Variants in CORO2A observed in about 807,000 individuals in gnomAD.
CORO2A encodes coronin-2A.
CORO2A carries 47 observed loss-of-function variants against 62.4 expected under a neutral mutation model. That is an observed-to-expected ratio of 0.75 (90% CI 0.60 to 0.96). The LOEUF is 0.96. Ranked by LOEUF, CORO2A falls within the 40% of genes least tolerant of loss-of-function variation. The pLI is 0.00. For synonymous variants in CORO2A, 273 were observed against 268.9 expected, an observed-to-expected ratio of 1.02 and a Z score of -0.15; for missense variants, 610 against 684.1, an observed-to-expected ratio of 0.89 and a Z score of 1.21.
At chr9:98,139,497 C>T (rs975363893) in intron 2 of CORO2A, among the ~76,000 whole-genome samples, 1 of 152,176 alleles carries the variant, frequency 6.6e-6, no homozygotes, top group African/African-American at 2.4e-5. Flanking sequence ...CGTGGTGGCA[C>T]ATGCCTGTAA....
At chr9:98,132,548 G>A (rs991742759) in intron 5 of CORO2A, among the ~76,000 whole-genome samples, 1 of 152,226 alleles carries the variant, frequency 6.6e-6, no homozygotes, top group Non-Finnish European at 1.5e-5. Flanking sequence ...CTTCTGCCCA[G>A]CGCCCTGTTC....
intron 1 of CORO2A, among the ~76,000 whole-genome samples, chr9:98,173,811 G>A (rs1050969559): frequency 6.6e-6 from 1 of 152,166 alleles, no homozygotes; most frequent in Non-Finnish European, 1.5e-5. Context: ...GATGAGCAAG[G>A]AGCTTAAGAG....
At chr9:98,126,396 G>C (rs887976643) in intron 11 of CORO2A, among the ~76,000 whole-genome samples, 153 bp downstream of exon 11, 2 of 152,088 alleles carry the variant, frequency 1.3e-5, no homozygotes, top group African/African-American at 4.8e-5. Flanking sequence ...CCTGTTTGTT[G>C]AATGAATTAA....
At chr9:98,151,814 A>ATTTT (rs747501901) in intron 2 of CORO2A, among the ~76,000 whole-genome samples, 1 of 115,442 alleles carries the variant, frequency 8.7e-6, no homozygotes, top group Non-Finnish European at 1.8e-5. Context: ...TGCCCGGCTA[A>ATTTT]TTTTTTTTTT....
intron 1 of CORO2A, among the ~76,000 whole-genome samples, chr9:98,158,786 G>C (rs955610095): frequency 6.6e-6 from 1 of 151,954 alleles, no homozygotes; most frequent in Non-Finnish European, 1.5e-5. Context: ...CAGTTTGGGG[G>C]AACCACATGT....
At chr9:98,170,569 G>C (rs1300362787) in intron 1 of CORO2A, among the ~76,000 whole-genome samples, 3 of 152,132 alleles carry the variant, frequency 2.0e-5, no homozygotes, top group African/African-American at 7.2e-5. Flanking sequence ...AGCCTCCCAA[G>C]TAGCTGGGAT....
At chr9:98,142,477 C>A (rs1421915905) in intron 2 of CORO2A, among the ~76,000 whole-genome samples, 6 of 152,210 alleles carry the variant, frequency 3.9e-5, no homozygotes, top group Non-Finnish European at 2.9e-5. Context: ...GGGTCAAAGG[C>A]CATGAGCAGT....
At position 98,126,555 on chromosome 9, in the gene CORO2A, C is replaced by A. The variant is rs567921816; in HGVS notation, c.1440G>T (p.Glu480Asp). ...ACCCCGTCCTCCTTCACACCTCATT[C>A]TCTGTCTTTGGTGGGGGGCATTCGA... is the stretch of plus-strand genomic sequence containing the variant. ...DVFECPPPKTENELLQMFYRQ... is the reference protein window; with the variant it reads ...DVFECPPPKTDNELLQMFYRQ... The change falls in exon 11 of 12, where the codon GAG (glutamate) becomes GAT (aspartate). Residue 480 changes from glutamate (E) to aspartate (D), a missense_variant. Glu to Asp is a conservative substitution (Grantham distance 45, BLOSUM62 2). Coordinates refer to ENST00000375077, the MANE Select transcript of CORO2A (RefSeq NM_052820.4). The A allele has an allele frequency of 2.0e-5, 32 of 1,613,154 alleles. No homozygotes were observed. In the South Asian group the frequency reaches 3.5e-4, roughly 18 times the overall value.
intron 2 of CORO2A, among the ~76,000 whole-genome samples, chr9:98,140,886 A>T (rs2795486): frequency 0.12 from 17,695 of 152,280 alleles, 1,321 homozygotes; most frequent in Middle Eastern, 0.18. Flanking sequence ...ACTGGAGGGG[A>T]CAACGCTATA....
At chr9:98,154,643 C>T (rs1426505662) in intron 2 of CORO2A, among the ~76,000 whole-genome samples, 4 of 152,024 alleles carry the variant, frequency 2.6e-5, no homozygotes, top group Non-Finnish European at 2.9e-5. Flanking sequence ...AATTATGCAA[C>T]TGTTAAAGTA....
Position 98,128,523 on chromosome 9 carries a change from G to C in CORO2A, c.1080+84C>G. The C allele has an allele frequency of 3.2e-6, 4 of 1,257,166 alleles. No homozygotes were observed. The South Asian group carries it at 4.8e-5, about 15-fold the overall frequency. 77.9% of individuals were successfully genotyped at this position (1,257,166 alleles called of 1,614,324 possible). On this transcript the variant is annotated intron_variant, in intron 9 of 11. Transcript: ENST00000375077. ...GGCTGCCCCATGAACGTGGGCTCCAGGCTCTGGTGCCCGACAGCCCTGGGT... is the reference window on the plus strand; with the variant it reads ...GGCTGCCCCATGAACGTGGGCTCCACGCTCTGGTGCCCGACAGCCCTGGGT...
At chr9:98,141,338 G>C (rs1421742482) in intron 2 of CORO2A, among the ~76,000 whole-genome samples, 1 of 126,718 alleles carries the variant, frequency 7.9e-6, no homozygotes, top group Non-Finnish European at 1.7e-5. Flanking sequence ...GTCTCCATGG[G>C]ACCACTGACC....
At chr9:98,141,709 G>A (rs1827571689) in intron 2 of CORO2A, among the ~76,000 whole-genome samples, 1 of 152,194 alleles carries the variant, frequency 6.6e-6, no homozygotes, top group South Asian at 2.1e-4. Flanking sequence ...CTCAAGGTGA[G>A]TTTTCGAAAA....
chr9:98,151,404 C>T (rs761955339), intron 2 of CORO2A, among the ~76,000 whole-genome samples: 3 of 152,134 alleles, frequency 2.0e-5, no homozygotes, highest in South Asian at 2.1e-4. Flanking sequence ...TCCTTCTAAG[C>T]GTTGCTTGTT....
chr9:98,126,646 G>A lies in CORO2A; in HGVS notation c.1349C>T (p.Pro450Leu), dbSNP rs780082100. The A allele has an allele frequency of 1.9e-6, 3 of 1,614,114 alleles. No individual in the cohort carries two copies. The highest frequency in any genetic ancestry group is 4.5e-5 in the East Asian group (2 of 44,876). The change falls in exon 11 of 12, where the codon CCA becomes CTA. Residue 450 changes from proline to leucine, a missense_variant. Coordinates refer to ENST00000375077, the MANE Select transcript of CORO2A (RefSeq NM_052820.4). ...CAGCCTGTGTTCTGCTGCCCACCTT[G>A]GCATCTTCTCCTCCAACAGGGAGGA... ...RSSSLLEEKM[P>L]RWAAEHRLEE...
At chr9:98,151,278 AAG>A (rs1199975938) in intron 2 of CORO2A, among the ~76,000 whole-genome samples, 1 of 152,248 alleles carries the variant, frequency 6.6e-6, no homozygotes, top group Non-Finnish European at 1.5e-5. Flanking sequence ...GTCCTAAAAA[AAG>A]AGAATGCTGT....
intron 2 of CORO2A, among the ~76,000 whole-genome samples, chr9:98,144,022 G>A (rs1417512758): frequency 6.6e-6 from 1 of 151,874 alleles, no homozygotes; most frequent in East Asian, 1.9e-4. Flanking sequence ...TGGGCAACAG[G>A]CCCCATCTCT....
chr9:98,172,614 G>C (rs139447175), intron 1 of CORO2A: 1 of 152,410 alleles, frequency 6.6e-6, no homozygotes, highest in South Asian at 2.1e-4. Flanking sequence ...GTTCTTTTCC[G>C]CTACTCTCTC....
intron 5 of CORO2A, 78 bp downstream of exon 5, chr9:98,132,960 G>A: frequency 6.6e-7 from 1 of 1,524,438 alleles, no homozygotes; most frequent in Admixed American, 1.7e-5. Context: ...TCACTGTCCT[G>A]TTCTCTGAAG....
Sources: allele counts gnomAD v4.1 joint callset (sites outside exome capture counted in the v4.1 genomes callset), GRCh38; gene constraint gnomAD v4.1.1; transcripts MANE v1.5; gene names NCBI Gene and HGNC (gene_info 2026-07-23, HGNC 2026-07-21).